The following SMG1 variants were observed in gnomAD, a reference collection of about 807,000 sequenced individuals.
SMG1 encodes the protein serine/threonine-protein kinase SMG1.
In SMG1, 22 loss-of-function variants were observed where a neutral mutation model predicts 419.9. The ratio of observed to expected loss-of-function variants is 0.05; its 90% CI spans 0.04 to 0.07. The LOEUF is 0.07. Among genes scored for constraint, SMG1 ranks in the 10% least tolerant of loss-of-function variants. The pLI, the probability that SMG1 is intolerant of heterozygous loss-of-function variation, is 1.00. For synonymous variants in SMG1, 1,538 were observed against 1,553.5 expected, an observed-to-expected ratio of 0.99 and a Z score of 0.23; for missense variants, 3,185 against 4,342.0, an observed-to-expected ratio of 0.73 and a Z score of 7.49.
intron 54 of SMG1, among the ~76,000 whole-genome samples, chr16:18,828,492 T>A (rs756938661): frequency 1.3e-5 from 2 of 151,438 alleles, no homozygotes; most frequent in African/African-American, 4.8e-5. Flanking sequence ...CCAAGTCTCA[T>A]TTGAATACAA....
chr16:18,864,045 G>C lies in SMG1; in HGVS notation c.3450C>G (p.Ala1150=), dbSNP rs1370442873. ...SSFDKSVLTL[A]NAGRNSASPK... ...GGCTGGCACTGTTACGCCCAGCATTGGCTAAGGTGAGCACCGATTTGTCAA... is the reference window on the plus strand; with the variant it reads ...GGCTGGCACTGTTACGCCCAGCATTCGCTAAGGTGAGCACCGATTTGTCAA... Residue 1150 remains alanine (A), a synonymous_variant, in exon 24 of 63, where the codon GCC becomes GCG. Coordinates refer to ENST00000446231, the MANE Select transcript of SMG1 (RefSeq NM_015092.5). 51 of 1,549,868 alleles carry C rather than the reference G, an allele frequency of 3.3e-5. No individual in the cohort carries two copies. Among genetic ancestry groups the C allele is most frequent in the Non-Finnish European group, 4.4e-5 (51 of 1,146,974 alleles).
rs756038028 is a variant in SMG1 at position 18,850,104 on chromosome 16, G to A, written c.5306C>T (p.Pro1769Leu). The stretch of plus-strand genomic sequence containing the variant: ...CACTCTGTGACTTAAATGCAGCCTA[G>A]GGTCATCCTCATCTAAAGGAATCTA... ...AGQIPLDEDD[P>L]RLHLSHRVEQ... Residue 1769 changes from proline (P) to leucine (L), a missense_variant, in exon 35 of 63, where the codon CCT becomes CTT. Physicochemically the swap from Pro to Leu is moderately conservative, Grantham distance 98 (BLOSUM62 -3). Around this residue, in one of 27 missense-constraint regions of SMG1, gnomAD observed 493 missense variants for 552.9 expected, o/e 0.89. Transcript: ENST00000446231. 6.2e-7 allele frequency: 1 copy of A among 1,613,878 alleles called. No homozygotes were observed. Among genetic ancestry groups the A allele is most frequent in the South Asian group, 1.1e-5 (1 of 91,054 alleles).
rs2036519667 is a variant in SMG1, at chr16:18,884,116, G to A, written c.1073C>T (p.Thr358Ile). The A allele has an allele frequency of 1.2e-6, 2 of 1,606,500 alleles. No individual in the cohort carries two copies. Among genetic ancestry groups the A allele is most frequent in the Non-Finnish European group, 1.7e-6 (2 of 1,175,202 alleles). The change falls in exon 9 of 63, where the codon ACT (threonine) becomes ATT (isoleucine). Residue 358 changes from threonine (T) to isoleucine (I), a missense_variant. Physicochemically the swap from Thr to Ile is moderately conservative, Grantham distance 89. Around this residue, in one of 27 missense-constraint regions of SMG1, gnomAD observed 27 missense variants for 59.4 expected, o/e 0.45. Transcript: ENST00000446231. The part of the protein sequence containing the change: ...PFWVADLAFS[T>I]TLLGQFLEDM... ...TTCCAGAAACTGACCAAGAAGAGTA[G>A]TAGAAAATGCAAGATCAGCTACCCA...
intron 33 of SMG1, among the ~76,000 whole-genome samples, chr16:18,850,740 T>G (rs1345623641): frequency 6.6e-6 from 1 of 152,110 alleles, no homozygotes; most frequent in Non-Finnish European, 1.5e-5. Flanking sequence ...TACAATACAG[T>G]ATTCTACCTG....
intron 56 of SMG1, among the ~76,000 whole-genome samples, chr16:18,818,818 C>CA (rs1555486093): frequency 7.6e-6 from 1 of 131,646 alleles, no homozygotes; most frequent in East Asian, 2.2e-4. Context: ...GCACAAGGTC[C>CA]TTTTTTTTTT....
chr16:18,836,268 T>C (rs563470136), intron 47 of SMG1, 56 bp from the exon 48 acceptor site: 2 of 1,591,972 alleles, frequency 1.3e-6, no homozygotes, highest in East Asian at 2.2e-5. Context: ...CAGCTGTCAC[T>C]AAAAGCAAGC....
intron 25 of SMG1, chr16:18,861,255 G>C (rs1277245533): frequency 6.6e-6 from 1 of 151,218 alleles, no homozygotes; most frequent in Non-Finnish European, 1.5e-5. Flanking sequence ...GCATCCCTCC[G>C]TCTCTCCCTT....
intron 6 of SMG1, among the ~76,000 whole-genome samples, chr16:18,886,410 G>T (rs2036613919): frequency 6.6e-6 from 1 of 152,088 alleles, no homozygotes; most frequent in South Asian, 2.1e-4. Flanking sequence ...TCCATTGAAA[G>T]AATATTTATT....
Position 18,805,268 on chromosome 16 carries a change from A to G in SMG1, c.*4301T>C, listed in dbSNP as rs184550705. On this transcript the variant is annotated 3_prime_UTR_variant, in exon 63 of 63. Coordinates refer to ENST00000446231, the MANE Select transcript of SMG1 (RefSeq NM_015092.5). ...TTAAAGAGGAGCTGAAACTTTGTCA[A>G]AAAAAGAAAAAACTATTAGCCTGTT... 2 of 152,370 alleles carry G rather than the reference A, an allele frequency of 1.3e-5. No individual in the cohort carries two copies. The highest frequency in any genetic ancestry group is 6.5e-5 in the Admixed American group (1 of 15,308). 9.4% of individuals were successfully genotyped at this position (152,370 alleles called of 1,614,324 possible).
At chr16:18,872,420 A>T (rs1176606214) in intron 14 of SMG1, 74 bp downstream of exon 14, 1 of 1,476,764 alleles carries the variant, frequency 6.8e-7, no homozygotes, top group Non-Finnish European at 9.0e-7. Context: ...AAATCAACAT[A>T]CATCTTTAAA....
rs748253944 is a variant in SMG1, at chr16:18,847,857, C to T, written c.5800G>A (p.Val1934Ile). 1.9e-6 allele frequency: 3 copies of T among 1,613,912 alleles called. No individual in the cohort carries two copies. The highest frequency in any genetic ancestry group is 8.5e-7 in the Non-Finnish European group (1 of 1,179,892). The change falls in exon 37 of 63, where the codon GTA (valine) becomes ATA (isoleucine). Residue 1934 changes from valine to isoleucine, a missense_variant. Physicochemically the swap from Val to Ile is conservative, Grantham distance 29. Coordinates refer to ENST00000446231, the MANE Select transcript of SMG1 (RefSeq NM_015092.5). ...GGGTTTGCAGAGGACAGCTTATCTACAATTTTGCTGTAACAATCCTGCATC... is the reference window on the plus strand; with the variant it reads ...GGGTTTGCAGAGGACAGCTTATCTATAATTTTGCTGTAACAATCCTGCATC... ...AMMQDCYSKI[V>I]DKLSSANPTM... is the part of the protein sequence containing the mutation.
At chr16:18,863,443 G>A (rs1695582859) in intron 25 of SMG1, among the ~76,000 whole-genome samples, 1 of 152,170 alleles carries the variant, frequency 6.6e-6, no homozygotes, top group African/African-American at 2.4e-5. Context: ...AATACCAAAT[G>A]ACTATCTCAG....
At position 18,806,417 on chromosome 16, in the gene SMG1, A is replaced by G. The variant is rs2030842289; in HGVS notation, c.*3152T>C. The G allele has an allele frequency of 6.6e-6, 1 of 152,612 alleles. No individual in the cohort carries two copies. The highest frequency in any genetic ancestry group is 1.5e-5 in the Non-Finnish European group (1 of 68,030). 9.5% of individuals were successfully genotyped at this position (152,612 alleles called of 1,614,324 possible). ...CCTGATTATCAGTTCTCACATGGAA[A>G]TCTCAACAGATTTCAAAAGCAACTC... On this transcript the variant is annotated 3_prime_UTR_variant, in exon 63 of 63. Transcript: ENST00000446231.
chr16:18,897,691 T>C (rs1301566125), intron 1 of SMG1, among the ~76,000 whole-genome samples: 2 of 152,146 alleles, frequency 1.3e-5, no homozygotes, highest in Non-Finnish European at 1.5e-5. Flanking sequence ...AGGGTAAAAG[T>C]GTGTCCTCAT....
intron 33 of SMG1, 120 bp from the exon 34 acceptor site, chr16:18,850,587 TTA>T: frequency 1.5e-6 from 1 of 659,404 alleles, no homozygotes; most frequent in Non-Finnish European, 2.6e-6. Context: ...TATCCCACAT[TTA>T]GTGTTATACA....
At chr16:18,898,439 A>G (rs541953399) in intron 1 of SMG1, among the ~76,000 whole-genome samples, 2 of 150,260 alleles carry the variant, frequency 1.3e-5, no homozygotes, top group African/African-American at 4.9e-5. Flanking sequence ...ATATTTTCTG[A>G]GTATACTAAG....
chr16:18,834,837 T>C lies in SMG1; in HGVS notation c.8330+55A>G, dbSNP rs562836801. On this transcript the variant is annotated intron_variant, in intron 49 of 62. Coordinates refer to ENST00000446231, the MANE Select transcript of SMG1 (RefSeq NM_015092.5). The stretch of plus-strand genomic sequence containing the variant: ...AGGAAAGTAAAAGAACATTTTAGGT[T>C]TGGGATTAAAAATAAGACACAGGAA... 2.6e-6 allele frequency: 4 copies of C among 1,551,776 alleles called. No homozygotes were observed. In the South Asian group the frequency reaches 4.7e-5, roughly 18 times the overall value.
At position 18,808,516 on chromosome 16, in the gene SMG1, A is replaced by C. The variant is rs1462724434; in HGVS notation, c.*1053T>G. 1 of 152,242 alleles carries C rather than the reference A, an allele frequency of 6.6e-6. No individual in the cohort carries two copies. The highest frequency in any genetic ancestry group is 2.4e-5 in the African/African-American group (1 of 41,458). The allele number at this position is 152,242 out of a possible 1,614,324, so 9.4% of individuals were successfully genotyped here. A position where few individuals can be genotyped will look rare whatever the true frequency, so the allele number is the denominator to read the frequency against. Reference sequence around the variant, plus strand: ...TAGATACTCTATCTTGGTTTTTAAAAAGGTAAAAGATTACACTGGATTAGC... The same window carrying C: ...TAGATACTCTATCTTGGTTTTTAAACAGGTAAAAGATTACACTGGATTAGC... On this transcript the variant is annotated 3_prime_UTR_variant, in exon 63 of 63. Transcript: ENST00000446231.
chr16:18,894,478 A>G (rs1440197695), intron 3 of SMG1, among the ~76,000 whole-genome samples: 1 of 152,194 alleles, frequency 6.6e-6, no homozygotes, highest in Non-Finnish European at 1.5e-5. Flanking sequence ...TTACTGAACT[A>G]CTTTAGAGTC....
Sources: allele counts gnomAD v4.1 joint callset (sites outside exome capture counted in the v4.1 genomes callset), GRCh38; gene constraint gnomAD v4.1.1; regional missense constraint gnomAD v4.1.1; transcripts MANE v1.5; gene names NCBI Gene and HGNC (gene_info 2026-07-23, HGNC 2026-07-21).